The following SAMMSON variants were observed in gnomAD, a reference collection of about 807,000 sequenced individuals.
The protein encoded by SAMMSON is long intergenic non-protein coding RNA 1212.
intron 4 of SAMMSON, among the ~76,000 whole-genome samples, chr3:70,248,016 C>T (rs751788930): frequency 1.3e-5 from 2 of 151,920 alleles, no homozygotes; most frequent in Non-Finnish European, 2.9e-5. Context: ...TCAATTCGAT[C>T]CATCTTTGTA....
intron 7 of SAMMSON, among the ~76,000 whole-genome samples, chr3:70,295,003 G>C (rs1462190325): frequency 1.3e-5 from 2 of 152,102 alleles, no homozygotes; most frequent in Non-Finnish European, 2.9e-5. Context: ...TAGCAGATGG[G>C]TTCTCATGTC....
At chr3:70,002,293 G>A (rs998740992) in intron 1 of SAMMSON, among the ~76,000 whole-genome samples, 1 of 152,240 alleles carries the variant, frequency 6.6e-6, no homozygotes, top group African/African-American at 2.4e-5. Context: ...ATCAAACAGC[G>A]TTGAAGGCCC....
rs1383428005 is a variant in SAMMSON at position 70,274,088 on chromosome 3, TGTGC to T, written n.675-17089_675-17086del. On this transcript the variant is annotated intron_variant and non_coding_transcript_variant, in intron 6 of 9. Coordinates refer to ENST00000642114, the Ensembl canonical transcript of SAMMSON. ...GTGTGTGTGTGTGTGTGTGTGTGTG[TGTGC>T]GCGCGCGCATGTGTGTGTGTGAGAC... Among the ~76,000 whole-genome samples the T allele has an allele frequency of 7.4e-3, 1,085 of 146,306 alleles. 4 individuals are homozygous for T. Among genetic ancestry groups the T allele is most frequent in the African/African-American group, 0.016 (610 of 38,076 alleles).
intron 4 of SAMMSON, among the ~76,000 whole-genome samples, chr3:70,239,801 G>T (rs1017115581): frequency 6.6e-6 from 1 of 152,006 alleles, no homozygotes; most frequent in Admixed American, 6.6e-5. Context: ...GTGACGTCTC[G>T]TTCAACTCAG....
intron 6 of SAMMSON, among the ~76,000 whole-genome samples, chr3:70,289,325 G>C (rs1358394573): frequency 1.3e-5 from 2 of 151,416 alleles, no homozygotes; most frequent in Non-Finnish European, 2.9e-5. Context: ...ATGAAGCTTA[G>C]TTTGGCTGGA....
chr3:70,146,391 A>C (rs1470319839), intron 4 of SAMMSON, among the ~76,000 whole-genome samples: 1 of 152,026 alleles, frequency 6.6e-6, no homozygotes, highest in African/African-American at 2.4e-5. Flanking sequence ...AATATCTGTC[A>C]TGAACATAGA....
At chr3:70,037,998 A>G (rs1229202952) in intron 3 of SAMMSON, among the ~76,000 whole-genome samples, 1 of 152,170 alleles carries the variant, frequency 6.6e-6, no homozygotes, top group Non-Finnish European at 1.5e-5. Context: ...GTCAGAGAAT[A>G]TGGCTTAGCA....
intron 4 of SAMMSON, among the ~76,000 whole-genome samples, chr3:70,229,398 A>T (rs1251691592): frequency 1.3e-5 from 2 of 152,182 alleles, no homozygotes; most frequent in African/African-American, 4.8e-5. Context: ...CATTTTAATT[A>T]CCCTCTCTTT....
chr3:70,016,493 G>A (rs879054175), intron 3 of SAMMSON, among the ~76,000 whole-genome samples: 1 of 152,038 alleles, frequency 6.6e-6, no homozygotes, highest in Non-Finnish European at 1.5e-5. Context: ...TTAGCCCTTT[G>A]TCAGATGAGT....
chr3:70,286,299 C>T (rs1484302157), intron 6 of SAMMSON, among the ~76,000 whole-genome samples: 5 of 152,092 alleles, frequency 3.3e-5, no homozygotes, highest in Admixed American at 6.5e-5. Context: ...TTCCCAGCAC[C>T]GTTTATTAAA....
intron 7 of SAMMSON, among the ~76,000 whole-genome samples, chr3:70,330,693 G>A (rs773169776): frequency 1.5e-4 from 23 of 151,950 alleles, no homozygotes; most frequent in Non-Finnish European, 2.4e-4. Flanking sequence ...TGAAGTATAC[G>A]GGAGAAGATG....
At chr3:70,159,408 T>A (rs2067605274) in intron 4 of SAMMSON, among the ~76,000 whole-genome samples, 1 of 151,676 alleles carries the variant, frequency 6.6e-6, no homozygotes, top group South Asian at 2.1e-4. Flanking sequence ...CTTCAGTATA[T>A]TCCTAAGAGC....
chr3:70,302,870 A>G (rs186373219), intron 7 of SAMMSON, among the ~76,000 whole-genome samples: 249 of 152,290 alleles, frequency 1.6e-3, no homozygotes, highest in African/African-American at 5.7e-3. Context: ...ATCATTTTAT[A>G]TGAAATGAAC....
chr3:70,280,129 G>A (rs1377543891), intron 6 of SAMMSON, among the ~76,000 whole-genome samples: 1 of 151,976 alleles, frequency 6.6e-6, no homozygotes, highest in Non-Finnish European at 1.5e-5. Flanking sequence ...CAGCTTCTGG[G>A]GGCTGCCTGC....
chr3:70,217,453 G>A (rs1000309583), intron 4 of SAMMSON, among the ~76,000 whole-genome samples: 9 of 152,202 alleles, frequency 5.9e-5, no homozygotes, highest in Middle Eastern at 3.4e-3. Context: ...GAAAGATTGC[G>A]TCCATATAGA....
chr3:70,406,371 CA>C (rs1323703066), intron 2 of SAMMSON, among the ~76,000 whole-genome samples: 1 of 152,024 alleles, frequency 6.6e-6, no homozygotes, highest in Non-Finnish European at 1.5e-5. Flanking sequence ...AGGTTTTAGA[CA>C]AAATCTGAGA....
At chr3:70,035,879 G>A (rs1437012565) in intron 3 of SAMMSON, among the ~76,000 whole-genome samples, 4 of 152,044 alleles carry the variant, frequency 2.6e-5, no homozygotes, top group African/African-American at 7.3e-5. Flanking sequence ...TATATCATAG[G>A]TAATGTAACT....
chr3:70,094,607 T>C (rs1052188203), intron 4 of SAMMSON: 1 of 152,212 alleles, frequency 6.6e-6, no homozygotes, highest in Admixed American at 6.5e-5. Context: ...TTTGCTATTC[T>C]CACAGCCTGG....
At chr3:70,290,559 A>G (rs983988622) in intron 6 of SAMMSON, among the ~76,000 whole-genome samples, 11 of 152,232 alleles carry the variant, frequency 7.2e-5, no homozygotes, top group Admixed American at 2.6e-4. Context: ...AGAGGCAGGC[A>G]GGCCTCCTTG....
Sources: allele counts gnomAD v4.1 joint callset (sites outside exome capture counted in the v4.1 genomes callset), GRCh38; gene constraint gnomAD v4.1.1; transcripts MANE v1.5; gene names NCBI Gene and HGNC (gene_info 2026-07-23, HGNC 2026-07-21).